The following GLI2 variants were observed in gnomAD, a reference collection of about 807,000 sequenced individuals.
GLI2 encodes the protein GLI family zinc finger 2.
GLI2 carries 22 observed loss-of-function variants against 78.9 expected under a neutral mutation model. The ratio of observed to expected loss-of-function variants is 0.28; its 90% CI spans 0.20 to 0.40. The LOEUF (loss-of-function observed/expected upper bound fraction) is 0.40, where lower values mean the gene tolerates loss of function less well. Ranked by LOEUF, GLI2 falls within the 10% of genes least tolerant of loss-of-function variation. GLI2 has a pLI of 1.00. For synonymous variants in GLI2, 974 were observed against 963.7 expected, an observed-to-expected ratio of 1.01 and a Z score of -0.20; for missense variants, 2,097 against 2,213.2, an observed-to-expected ratio of 0.95 and a Z score of 1.05.
intron 1 of GLI2, among the ~76,000 whole-genome samples, chr2:120,770,766 G>T (rs2104656842): frequency 6.6e-6 from 1 of 152,288 alleles, no homozygotes; most frequent in South Asian, 2.1e-4. Context: ...GTGCTCAGCA[G>T]CGGGCCAGGT....
intron 1 of GLI2, among the ~76,000 whole-genome samples, chr2:120,763,185 T>C (rs1002602807): frequency 4.6e-5 from 7 of 152,318 alleles, no homozygotes; most frequent in Admixed American, 3.3e-4. Context: ...TGCCTCCCTC[T>C]CCTCTGGGTC....
intron 2 of GLI2, among the ~76,000 whole-genome samples, chr2:120,839,862 C>G (rs1162753206): frequency 6.6e-6 from 1 of 152,234 alleles, no homozygotes; most frequent in East Asian, 1.9e-4. Context: ...TGCACCCAGC[C>G]TTTTCACAGA....
intron 2 of GLI2, among the ~76,000 whole-genome samples, chr2:120,857,421 C>G (rs1687708000): frequency 9.0e-6 from 1 of 111,246 alleles, no homozygotes; most frequent in Middle Eastern, 5.0e-3. Context: ...ATCTGCCCAC[C>G]CACCCACCCA....
intron 2 of GLI2, among the ~76,000 whole-genome samples, chr2:120,853,724 T>G (rs1687514202): frequency 6.6e-6 from 1 of 152,354 alleles, no homozygotes; most frequent in Non-Finnish European, 1.5e-5. Context: ...CTGTATGACA[T>G]GTGTTGAGCC....
intron 1 of GLI2, among the ~76,000 whole-genome samples, chr2:120,736,949 C>T (rs1450729174): frequency 6.6e-6 from 1 of 151,674 alleles, no homozygotes; most frequent in Non-Finnish European, 1.5e-5. Context: ...CCAAAGGGAT[C>T]CGCACGTAAT....
rs1332265944 is a variant in GLI2, at chr2:120,989,407, C to G, written c.3442C>G (p.Pro1148Ala). Residue 1148 changes from proline to alanine, a missense_variant, in exon 14 of 14, where the codon CCC (proline) becomes GCC (alanine). Coordinates refer to ENST00000361492, the MANE Select transcript of GLI2 (RefSeq NM_001374353.1). Reference sequence around the variant, plus strand: ...CCTGGCCAGCCAGGTGAAGCCTCCACCCTTTCCTCAGGGCAACCTGGCGGT... The same window carrying G: ...CCTGGCCAGCCAGGTGAAGCCTCCAGCCTTTCCTCAGGGCAACCTGGCGGT... ...DALASQVKPP[P>A]FPQGNLAVVQ... 1 of 1,613,096 alleles carries G rather than the reference C, an allele frequency of 6.2e-7. No homozygotes were observed. Among genetic ancestry groups the G allele is most frequent in the South Asian group, 1.1e-5 (1 of 91,090 alleles).
chr2:120,872,812 A>G (rs1257121469), intron 2 of GLI2, among the ~76,000 whole-genome samples: 1 of 152,248 alleles, frequency 6.6e-6, no homozygotes, highest in African/African-American at 2.4e-5. Context: ...GCATAGTACT[A>G]GCCCATGGTA....
chr2:120,972,787 C>T, intron 8 of GLI2: 1 of 466,184 alleles, frequency 2.1e-6, no homozygotes, highest in Non-Finnish European at 4.3e-6. Flanking sequence ...AAGAGCGGAG[C>T]AGCCCACAGC....
At chr2:120,971,766 T>C (rs1682185786) in intron 7 of GLI2, among the ~76,000 whole-genome samples, 175 bp from the exon 8 acceptor site, 1 of 152,192 alleles carries the variant, frequency 6.6e-6, no homozygotes, top group Admixed American at 6.5e-5. Context: ...TGCTCTCCTG[T>C]AGCAGGACAT....
At chr2:120,781,465 T>G (rs1683845247) in intron 1 of GLI2, among the ~76,000 whole-genome samples, 1 of 152,226 alleles carries the variant, frequency 6.6e-6, no homozygotes, top group African/African-American at 2.4e-5. Context: ...CTTCTGAGAT[T>G]TTTCCTACCC....
intron 2 of GLI2, among the ~76,000 whole-genome samples, chr2:120,840,880 A>G (rs993416411): frequency 1.2e-4 from 18 of 152,124 alleles, no homozygotes; most frequent in African/African-American, 4.1e-4. Flanking sequence ...CGCTAAAAAG[A>G]GATCCACTGG....
intron 11 of GLI2, among the ~76,000 whole-genome samples, chr2:120,983,976 T>TGTGTGTGC (rs1209260549): frequency 2.4e-4 from 37 of 151,768 alleles, no homozygotes; most frequent in African/African-American, 8.9e-4. Context: ...TGTGTGTGTG[T>TGTGTGTGC]GTGCATGTTT....
chr2:120,832,961 ATGGGATGTACTAGGT>A (rs1321915457), intron 2 of GLI2, among the ~76,000 whole-genome samples: 2 of 151,982 alleles, frequency 1.3e-5, no homozygotes, highest in African/African-American at 4.8e-5. Context: ...TGCCTGAAGG[ATGGGATGTACTAGGT>A]TGTGCTCAGG....
At chr2:120,978,341 G>A in intron 9 of GLI2, 93 bp from the exon 10 acceptor site, 1 of 1,410,536 alleles carries the variant, frequency 7.1e-7, no homozygotes, top group Non-Finnish European at 1.0e-6. Context: ...GGAGGGCTGG[G>A]GGGGTGCCGG....
intron 2 of GLI2, among the ~76,000 whole-genome samples, chr2:120,822,683 AG>A (rs1373039337): frequency 2.0e-5 from 3 of 152,216 alleles, no homozygotes; most frequent in Non-Finnish European, 4.4e-5. Context: ...CTCACATGTT[AG>A]TATGTTTCTT....
intron 1 of GLI2, among the ~76,000 whole-genome samples, chr2:120,789,564 A>G (rs1274737874): frequency 1.3e-5 from 2 of 152,220 alleles, no homozygotes; most frequent in Non-Finnish European, 2.9e-5. Flanking sequence ...AGCTCCCACA[A>G]GTAGAAACTC....
chr2:120,885,985 T>C lies in GLI2; in HGVS notation c.149-41376T>C, dbSNP rs1163244854. Among the ~76,000 whole-genome samples, 7 of 152,314 alleles carry C rather than the reference T, an allele frequency of 4.6e-5. 1 individual carries two copies. The South Asian group carries it at 8.3e-4, about 18-fold the overall frequency. ...CTCCATTTACTGAGCACCTGTTATA[T>C]ACCAGATAATTTTACATGCATTAGC... On this transcript the variant is annotated intron_variant, in intron 2 of 13. Coordinates refer to ENST00000361492, the MANE Select transcript of GLI2 (RefSeq NM_001374353.1).
chr2:120,833,985 C>A (rs1686487356), intron 2 of GLI2, among the ~76,000 whole-genome samples: 1 of 152,176 alleles, frequency 6.6e-6, no homozygotes, highest in African/African-American at 2.4e-5. Context: ...AGCACACTGG[C>A]CTAACTCTCA....
At chr2:120,985,636 T>C (rs904666545) in intron 12 of GLI2, among the ~76,000 whole-genome samples, 1 of 152,178 alleles carries the variant, frequency 6.6e-6, no homozygotes, top group South Asian at 2.1e-4. Context: ...GAGGTGGTGG[T>C]GCATCTGGTG....
Sources: gnomAD v4.1 joint callset for allele counts (sites outside exome capture counted in the v4.1 genomes callset) on GRCh38, gnomAD v4.1.1 for gene constraint, MANE v1.5 for transcripts, NCBI Gene and HGNC (gene_info 2026-07-23, HGNC 2026-07-21) for gene names.